Variants in ITPRID1 observed in about 807,000 individuals in gnomAD.
ITPRID1 encodes ITPR interacting domain containing 1.
ITPRID1 carries 96 observed loss-of-function variants against 95.4 expected under a neutral mutation model. That is an observed-to-expected ratio of 1.01 (90% confidence interval 0.85 to 1.19). The LOEUF is 1.19. Among genes scored for constraint, ITPRID1 ranks in the 50% most tolerant of loss-of-function variants. The pLI, the probability that ITPRID1 is intolerant of heterozygous loss-of-function variation, is 0.00. For missense variants in ITPRID1, 1,339 were observed against 1,252.9 expected (o/e 1.07, Z -1.04); for synonymous variants, 510 against 453.6 (o/e 1.12, Z -1.58).
chr7:31,576,239 G>A (rs1272038836), intron 8 of ITPRID1, among the ~76,000 whole-genome samples: 1 of 152,142 alleles, frequency 6.6e-6, no homozygotes, highest in African/African-American at 2.4e-5. Flanking sequence ...AATAAAGCTA[G>A]TTGGCAGATA....
chr7:31,518,431 T>G (rs1783117097), intron 1 of ITPRID1: 1 of 152,262 alleles, frequency 6.6e-6, no homozygotes, highest in East Asian at 1.9e-4. Context: ...CTCTTCTAGG[T>G]GAACTCGATG....
chr7:31,577,603 A>G (rs554763907), intron 8 of ITPRID1, among the ~76,000 whole-genome samples: 1 of 152,348 alleles, frequency 6.6e-6, no homozygotes, highest in East Asian at 1.9e-4. Flanking sequence ...ATAGGCATAT[A>G]TGAATCTAAA....
Position 31,516,164 on chromosome 7 carries a change from G to T in ITPRID1, c.-98+2044G>T, listed in dbSNP as rs188645963. The stretch of plus-strand genomic sequence containing the variant: ...GGGTGAGGAAAGGAAAGAGAATAAG[G>T]CTAGAAGATTAATAATAAACCCTCT... On this transcript the variant is annotated intron_variant, in intron 1 of 14. Transcript: ENST00000615280. Among the ~76,000 whole-genome samples, 39 of 152,258 alleles carry T rather than the reference G, an allele frequency of 2.6e-4. 1 individual carries two copies. In the South Asian group the frequency reaches 5.6e-3, roughly 22 times the overall value.
chr7:31,596,439 A>G (rs528064350), intron 10 of ITPRID1, among the ~76,000 whole-genome samples: 75 of 151,660 alleles, frequency 4.9e-4, no homozygotes, highest in Non-Finnish European at 9.6e-4. Context: ...TTATGAAAAT[A>G]GAGGCAAAAA....
At chr7:31,620,203 C>T (rs1438431431) in intron 10 of ITPRID1, among the ~76,000 whole-genome samples, 3 of 152,130 alleles carry the variant, frequency 2.0e-5, no homozygotes, top group Admixed American at 6.5e-5. Context: ...AAAAAGACAG[C>T]AGTAACCTCT....
At chr7:31,587,257 A>T (rs1785656349) in intron 10 of ITPRID1, among the ~76,000 whole-genome samples, 1 of 152,124 alleles carries the variant, frequency 6.6e-6, no homozygotes, top group South Asian at 2.1e-4. Flanking sequence ...CTCAGCCCAA[A>T]ATCTCCTTAA....
intron 5 of ITPRID1, among the ~76,000 whole-genome samples, chr7:31,558,266 T>G (rs1784516563): frequency 6.6e-6 from 1 of 152,198 alleles, no homozygotes; most frequent in Non-Finnish European, 1.5e-5. Context: ...CTTTTCTTTA[T>G]AAATTACTCA....
intron 10 of ITPRID1, among the ~76,000 whole-genome samples, chr7:31,617,491 G>T (rs1787365788): frequency 1.7e-5 from 2 of 119,116 alleles, no homozygotes; most frequent in South Asian, 2.7e-4. Flanking sequence ...AAACTATTCT[G>T]CTTTTTGTAA....
intron 10 of ITPRID1, among the ~76,000 whole-genome samples, chr7:31,625,514 T>C (rs1328494259): frequency 6.6e-6 from 1 of 152,074 alleles, no homozygotes; most frequent in Non-Finnish European, 1.5e-5. Context: ...CAATAAACTA[T>C]TGCAAGAACA....
intron 1 of ITPRID1, among the ~76,000 whole-genome samples, chr7:31,523,337 C>T (rs74648928): frequency 6.6e-6 from 1 of 152,208 alleles, no homozygotes; most frequent in African/African-American, 2.4e-5. Flanking sequence ...ATAAATGCTT[C>T]TTTGACTCTT....
At chr7:31,519,600 C>G (rs1441538881) in intron 1 of ITPRID1, among the ~76,000 whole-genome samples, 1 of 57,064 alleles carries the variant, frequency 1.8e-5, no homozygotes, top group Non-Finnish European at 3.4e-5. Context: ...CTCTCTCTCT[C>G]TCTCTCTCTC....
chr7:31,535,285 T>C (rs1310862417), intron 1 of ITPRID1, among the ~76,000 whole-genome samples: 1 of 152,086 alleles, frequency 6.6e-6, no homozygotes, highest in Non-Finnish European at 1.5e-5. Context: ...AATATCACTG[T>C]CTTAACTTTT....
chr7:31,618,283 C>G (rs1562614871), intron 10 of ITPRID1, among the ~76,000 whole-genome samples: 1 of 152,112 alleles, frequency 6.6e-6, no homozygotes, highest in Non-Finnish European at 1.5e-5. Flanking sequence ...CAACCAATAC[C>G]CCATAAAAAG....
downstream of ITPRID1, among the ~76,000 whole-genome samples, chr7:31,657,967 T>G (rs1791375370): frequency 2.0e-5 from 3 of 152,362 alleles, no homozygotes; most frequent in South Asian, 6.2e-4. Flanking sequence ...TACCCTGTAT[T>G]AATTTCATTC....
At position 31,644,131 on chromosome 7, in the gene ITPRID1, C is replaced by T. The variant is rs562278229; in HGVS notation, c.2583+178C>T. Among the ~76,000 whole-genome samples the T allele has an allele frequency of 5.9e-5, 9 of 152,302 alleles. No individual in the cohort carries two copies. The East Asian group carries it at 1.7e-3, about 29-fold the overall frequency. On this transcript the variant is annotated intron_variant, in intron 12 of 14. Coordinates refer to ENST00000615280, the MANE Select transcript of ITPRID1 (RefSeq NM_001257967.3). ...TATGATATAGTATCACACATTTCTT[C>T]TCGATACTTCCAATCAATCACCTTT... is the stretch of plus-strand genomic sequence containing the variant.
chr7:31,609,531 T>C (rs1786773567), intron 10 of ITPRID1, among the ~76,000 whole-genome samples: 1 of 151,622 alleles, frequency 6.6e-6, no homozygotes, highest in African/African-American at 2.4e-5. Context: ...TAAGTTTCAA[T>C]ACCTTATACC....
intron 10 of ITPRID1, among the ~76,000 whole-genome samples, chr7:31,595,811 A>C (rs183367964): frequency 6.6e-6 from 1 of 152,220 alleles, no homozygotes; most frequent in East Asian, 1.9e-4. Flanking sequence ...AAATCCAAGC[A>C]CTAAATTTTT....
At position 31,529,836 on chromosome 7, in the gene ITPRID1, T is replaced by A. The variant is rs73083435; in HGVS notation, c.-98+15716T>A. 5,364 of 1,532,878 alleles carry A rather than the reference T, an allele frequency of 3.5e-3. 27 individuals are homozygous for A. Among genetic ancestry groups the A allele is most frequent in the East Asian group, 0.025 (1,004 of 40,884 alleles). The allele number at this position is 1,532,878 out of a possible 1,614,324, so 95.0% of individuals were successfully genotyped here. A position where few individuals can be genotyped will look rare whatever the true frequency, so the allele number is the denominator to read the frequency against. ...CTCCTTTATTCTGGTACAGTAACTC[T>A]TATAATTTGTTTTTTTTCTTTTAAT... On this transcript the variant is annotated intron_variant, in intron 1 of 14. Coordinates refer to ENST00000615280, the MANE Select transcript of ITPRID1 (RefSeq NM_001257967.3).
At chr7:31,576,205 A>G (rs560049858) in intron 8 of ITPRID1, among the ~76,000 whole-genome samples, 2 of 152,330 alleles carry the variant, frequency 1.3e-5, no homozygotes, top group Non-Finnish European at 2.9e-5. Context: ...GGAAGCAGAG[A>G]AGGTCAAATA....
Sources: allele counts gnomAD v4.1 joint callset (sites outside exome capture counted in the v4.1 genomes callset), GRCh38; gene constraint gnomAD v4.1.1; transcripts MANE v1.5; gene names NCBI Gene and HGNC (gene_info 2026-07-23, HGNC 2026-07-21).